The following CASQ2 variants were observed in gnomAD, a reference collection of about 807,000 sequenced individuals.
CASQ2 encodes the protein calsequestrin 2, also known as calsequestrin-2.
Under a neutral mutation model 46.5 loss-of-function variants are expected in CASQ2, and 49 were observed. The ratio of observed to expected loss-of-function variants is 1.05; its 90% CI spans 0.84 to 1.34. The LOEUF is 1.34. CASQ2 is among the 40% of genes most tolerant of loss of function. The probability of loss-of-function intolerance (pLI) is 0.00; values close to 1 mark genes in which losing one functional copy is unlikely to be tolerated. For synonymous variants in CASQ2, 174 were observed against 168.5 expected, an observed-to-expected ratio of 1.03 and a Z score of -0.25; for missense variants, 486 against 481.3, an observed-to-expected ratio of 1.01 and a Z score of -0.09.
intron 8 of CASQ2, 53 bp from the exon 9 acceptor site, chr1:115,705,345 A>C: frequency 8.7e-7 from 1 of 1,150,382 alleles, no homozygotes; most frequent in Admixed American, 1.7e-5. Flanking sequence ...ACAGCTTCTA[A>C]TGTGGAGAGC....
intron 4 of CASQ2, among the ~76,000 whole-genome samples, chr1:115,735,781 A>C (rs1040543259): frequency 6.6e-6 from 1 of 152,234 alleles, no homozygotes; most frequent in Non-Finnish European, 1.5e-5. Flanking sequence ...GATAGCTGTC[A>C]GATTGAACTA....
intron 5 of CASQ2, among the ~76,000 whole-genome samples, chr1:115,732,476 G>C (rs1647823438): frequency 6.6e-6 from 1 of 152,132 alleles, no homozygotes; most frequent in Non-Finnish European, 1.5e-5. Flanking sequence ...GTTTTTCGCA[G>C]AACACTTGCT....
intron 3 of CASQ2, among the ~76,000 whole-genome samples, 193 bp from the exon 4 acceptor site, chr1:115,738,528 G>C (rs890750963): frequency 2.0e-5 from 3 of 152,164 alleles, no homozygotes; most frequent in Admixed American, 2.0e-4. Context: ...AACTTAAAGA[G>C]TTAAATGATT....
chr1:115,719,445 C>T (rs984937068), intron 7 of CASQ2, among the ~76,000 whole-genome samples: 1 of 152,204 alleles, frequency 6.6e-6, no homozygotes, highest in Non-Finnish European at 1.5e-5. Flanking sequence ...TTCTGTGTGC[C>T]CTGCTAGAAC....
intron 1 of CASQ2, among the ~76,000 whole-genome samples, chr1:115,749,630 C>T (rs1282906126): frequency 2.0e-5 from 3 of 152,220 alleles, no homozygotes; most frequent in African/African-American, 7.2e-5. Flanking sequence ...TCTGTGGTCA[C>T]TGCCGCCAGT....
chr1:115,736,981 G>A (rs768840511), intron 4 of CASQ2, among the ~76,000 whole-genome samples: 1 of 152,088 alleles, frequency 6.6e-6, no homozygotes, highest in African/African-American at 2.4e-5. Flanking sequence ...GGTACTGAAA[G>A]GTGTGCTCTT....
At chr1:115,732,522 C>A (rs1647824518) in intron 5 of CASQ2, among the ~76,000 whole-genome samples, 1 of 152,148 alleles carries the variant, frequency 6.6e-6, no homozygotes, top group African/African-American at 2.4e-5. Flanking sequence ...TTCTACTTCC[C>A]ATCCTGACGC....
chr1:115,709,503 G>C (rs929783854), intron 8 of CASQ2, among the ~76,000 whole-genome samples: 4 of 152,120 alleles, frequency 2.6e-5, no homozygotes, highest in Non-Finnish European at 5.9e-5. Flanking sequence ...AGAGAAAAGG[G>C]GGAAGTACTA....
chr1:115,750,152 G>A (rs1648527534), intron 1 of CASQ2, among the ~76,000 whole-genome samples: 1 of 152,218 alleles, frequency 6.6e-6, no homozygotes, highest in African/African-American at 2.4e-5. Flanking sequence ...GAGCCAAGGA[G>A]TTAGAAGCAC....
At chr1:115,705,694 A>G (rs563376667) in intron 8 of CASQ2, among the ~76,000 whole-genome samples, 8 of 152,216 alleles carry the variant, frequency 5.3e-5, no homozygotes, top group Non-Finnish European at 1.2e-4. Flanking sequence ...TCTAAGGACC[A>G]AGAATGTCTA....
At chr1:115,705,359 G>T in intron 8 of CASQ2, 67 bp from the exon 9 acceptor site, 1 of 1,044,860 alleles carries the variant, frequency 9.6e-7, no homozygotes. Context: ...GGAGAGCAGA[G>T]TGTGATTTTT....
intron 1 of CASQ2, among the ~76,000 whole-genome samples, chr1:115,766,877 A>AGAT (rs751778934): frequency 8.0e-6 from 1 of 124,640 alleles, no homozygotes; most frequent in Non-Finnish European, 1.8e-5. Flanking sequence ...ATAGATAGAT[A>AGAT]GATAGATAGA....
chr1:115,721,446 C>A (rs898377217), intron 7 of CASQ2, among the ~76,000 whole-genome samples: 2 of 152,156 alleles, frequency 1.3e-5, no homozygotes, highest in Non-Finnish European at 2.9e-5. Context: ...ATCTTAAAAA[C>A]CTGCACAATT....
chr1:115,752,051 T>C (rs1648599610), intron 1 of CASQ2, among the ~76,000 whole-genome samples: 1 of 152,208 alleles, frequency 6.6e-6, no homozygotes, highest in African/African-American at 2.4e-5. Context: ...GGACGCCTTG[T>C]TCTAATTCAC....
At chr1:115,717,702 G>A (rs1647216079) in intron 8 of CASQ2, 138 bp downstream of exon 8, 2 of 766,828 alleles carry the variant, frequency 2.6e-6, no homozygotes, top group Non-Finnish European at 4.7e-6. Context: ...CATACTTAAT[G>A]GGCGACCACC....
At chr1:115,767,204 A>G (rs1323067031) in intron 1 of CASQ2, among the ~76,000 whole-genome samples, 1 of 152,168 alleles carries the variant, frequency 6.6e-6, no homozygotes, top group Non-Finnish European at 1.5e-5. Flanking sequence ...TGATTTGCTC[A>G]TTTCTATAAA....
intron 1 of CASQ2, among the ~76,000 whole-genome samples, chr1:115,748,396 C>T (rs907968115): frequency 1.3e-5 from 2 of 152,122 alleles, no homozygotes; most frequent in Non-Finnish European, 2.9e-5. Context: ...TAACTGTTTC[C>T]CTTCTTCGAA....
intron 7 of CASQ2, 52 bp from the exon 8 acceptor site, chr1:115,717,946 G>T: frequency 8.0e-7 from 1 of 1,251,986 alleles, no homozygotes; most frequent in South Asian, 1.2e-5. Flanking sequence ...GGATGCAAAG[G>T]ACTGAGCCAG....
chr1:115,701,254 T>C lies in CASQ2; in HGVS notation c.1187A>G (p.Asp396Gly). 1 of 1,544,538 alleles carries C rather than the reference T, an allele frequency of 6.5e-7. No individual in the cohort carries two copies. The highest frequency in any genetic ancestry group is 1.2e-5 in the South Asian group (1 of 85,502). Residue 396 changes from aspartate to glycine, a missense_variant, in exon 11 of 11, where the codon GAT (aspartate) becomes GGT (glycine). Coordinates refer to ENST00000261448, the MANE Select transcript of CASQ2 (RefSeq NM_001232.4). ...TTTGGAGTTGGGCTATTCATCATCA[T>C]CGTCATCACTGTCATCATTATCCTC... ...DEEDNDDSDDDDDE is the reference protein window; with the variant it reads ...DEEDNDDSDDGDDE
Sources: gnomAD v4.1 joint callset for allele counts (sites outside exome capture counted in the v4.1 genomes callset) on GRCh38, gnomAD v4.1.1 for gene constraint, MANE v1.5 for transcripts, NCBI Gene and HGNC (gene_info 2026-07-23, HGNC 2026-07-21) for gene names.